Variants in ABLIM2 observed in about 807,000 individuals in gnomAD.
ABLIM2 encodes the protein actin binding LIM protein family member 2, also known as actin-binding LIM protein 2.
In ABLIM2, 53 loss-of-function variants were observed where a neutral mutation model predicts 97.7. The observed-to-expected ratio is 0.54, with a 90% confidence interval of 0.44 to 0.68. The LOEUF is 0.68. ABLIM2 is among the 30% of genes least tolerant of loss of function. The pLI is 0.00. For missense variants in ABLIM2, 835 were observed against 867.2 expected (o/e 0.96, Z 0.47); for synonymous variants, 361 against 345.8 (o/e 1.04, Z -0.49).
intron 9 of ABLIM2, among the ~76,000 whole-genome samples, chr4:8,041,123 G>C (rs1342132818): frequency 6.6e-6 from 1 of 152,254 alleles, no homozygotes; most frequent in Admixed American, 6.5e-5. Context: ...TCAAAGCTGA[G>C]ACACAGTGCA....
chr4:7,969,612 T>G (rs1048499938), intron 20 of ABLIM2, among the ~76,000 whole-genome samples: 1 of 152,146 alleles, frequency 6.6e-6, no homozygotes, highest in Admixed American at 6.6e-5. Flanking sequence ...TGGTATGCCC[T>G]GGATTTTGCA....
rs1349937290 is a variant in ABLIM2, at chr4:8,033,089, A to C, written c.1047+3060T>G. ...GAGAGAAAAGGTGCTCAGCAGAGACAGAGGGTGACCAGAAGCCTTTGGGTT... is the reference window on the plus strand; with the variant it reads ...GAGAGAAAAGGTGCTCAGCAGAGACCGAGGGTGACCAGAAGCCTTTGGGTT... On this transcript the variant is annotated intron_variant, in intron 10 of 20. Coordinates refer to ENST00000447017, the MANE Select transcript of ABLIM2 (RefSeq NM_001130083.2). This position sits in a 1 kb window ranked among gnomAD's most constrained non-coding sequence, Gnocchi z 4.5. 5.3e-5 allele frequency among the ~76,000 whole-genome samples: 8 copies of C among 152,228 alleles called. No homozygotes were observed. The highest frequency in any genetic ancestry group is 5.2e-4 in the Admixed American group (8 of 15,290).
intron 1 of ABLIM2, among the ~76,000 whole-genome samples, chr4:8,137,246 T>C (rs1850316995): frequency 6.6e-6 from 1 of 152,316 alleles, no homozygotes; most frequent in African/African-American, 2.4e-5. Context: ...CCCACTCTGC[T>C]TTAGGGGCTC....
intron 6 of ABLIM2, among the ~76,000 whole-genome samples, chr4:8,073,924 CA>C (rs1814090377): frequency 6.6e-6 from 1 of 150,672 alleles, no homozygotes; most frequent in South Asian, 2.1e-4. Flanking sequence ...CTATCTCTAC[CA>C]AAAATACAAA....
At chr4:8,081,627 ACTGT>A (rs1421772789) in intron 4 of ABLIM2, among the ~76,000 whole-genome samples, 19 of 149,124 alleles carry the variant, frequency 1.3e-4, no homozygotes, top group Admixed American at 8.7e-4. Context: ...ATAGGGTGTG[ACTGT>A]CTAAGTATGT....
intron 6 of ABLIM2, among the ~76,000 whole-genome samples, chr4:8,073,816 G>A (rs1295818261): frequency 3.9e-5 from 6 of 152,192 alleles, no homozygotes; most frequent in Non-Finnish European, 8.8e-5. Context: ...GGTTGGGCAT[G>A]GTGGCTCACG....
At position 8,125,241 on chromosome 4, in the gene ABLIM2, T is replaced by C. The variant is rs1042662431; in HGVS notation, c.11-18604A>G. ...ATGAAATCCAGTCGTCTATATCTTG[T>C]TATGACGGCTTGGGCTTTGGTGTCT... On this transcript the variant is annotated intron_variant, in intron 1 of 20. Transcript: ENST00000447017. The surrounding 1 kb of genome is among the most constrained non-coding windows in gnomAD (Gnocchi z 6.2). Among the ~76,000 whole-genome samples, 9 of 152,252 alleles carry C rather than the reference T, an allele frequency of 5.9e-5. No individual in the cohort carries two copies. The highest frequency in any genetic ancestry group is 1.3e-4 in the Non-Finnish European group (9 of 68,042).
rs10033351 is a variant in ABLIM2 at position 8,044,669 on chromosome 4, G to A, written c.900+495C>T. Among the ~76,000 whole-genome samples the A allele has an allele frequency of 1.4e-5, 1 of 72,808 alleles. No homozygotes were observed. Among genetic ancestry groups the A allele is most frequent in the Non-Finnish European group, 3.1e-5 (1 of 32,282 alleles). 47.8% of individuals were successfully genotyped at this position (72,808 alleles called of 152,430 possible). Reference sequence around the variant, plus strand: ...ACACACACACACACACACACACAGAGTCTCTCTCTCTCTCTCTCTCTCGAA... The same window carrying A: ...ACACACACACACACACACACACAGAATCTCTCTCTCTCTCTCTCTCTCGAA... On this transcript the variant is annotated intron_variant, in intron 9 of 20. Transcript: ENST00000447017. This position sits in a 1 kb window ranked among gnomAD's most constrained non-coding sequence, Gnocchi z 4.4.
At chr4:8,152,264 G>A (rs1181833184) in intron 1 of ABLIM2, among the ~76,000 whole-genome samples, 1 of 152,350 alleles carries the variant, frequency 6.6e-6, no homozygotes, top group South Asian at 2.1e-4. Flanking sequence ...GCCTAGCCAG[G>A]GATACGCGTG....
chr4:7,983,467 G>T (rs1217501148), intron 19 of ABLIM2, 80 bp downstream of exon 19: 2 of 1,596,502 alleles, frequency 1.3e-6, no homozygotes, highest in Non-Finnish European at 8.5e-7. Context: ...CATTTCATAG[G>T]TAAAGCACAA....
rs1305715157 is a variant in ABLIM2 at position 8,046,445 on chromosome 4, C to G, written c.823-1204G>C. On this transcript the variant is annotated intron_variant, in intron 8 of 20. Coordinates refer to ENST00000447017, the MANE Select transcript of ABLIM2 (RefSeq NM_001130083.2). This position sits in a 1 kb window ranked among gnomAD's most constrained non-coding sequence, Gnocchi z 4.4. ...CCTATTCACCCTGTCCAAAAGAAGC[C>G]CATATCCACAGAGGCCTCCCCAGCC... Among the ~76,000 whole-genome samples, 6 of 152,138 alleles carry G rather than the reference C, an allele frequency of 3.9e-5. No homozygotes were observed. The highest frequency in any genetic ancestry group is 8.8e-5 in the Non-Finnish European group (6 of 68,024).
rs190468503 is a variant in ABLIM2, at chr4:8,055,425, C to T, written c.764-1179G>A. Among the ~76,000 whole-genome samples, 667 of 147,720 alleles carry T rather than the reference C, an allele frequency of 4.5e-3. 4 individuals carry two copies. Among genetic ancestry groups the T allele is most frequent in the African/African-American group, 0.015 (595 of 39,878 alleles). On this transcript the variant is annotated intron_variant, in intron 7 of 20. Coordinates refer to ENST00000447017, the MANE Select transcript of ABLIM2 (RefSeq NM_001130083.2). ...ACCCAGCCTGACCCGCCACTCCCTGCGAGGGGCTGGCACTGCACTCACACA... is the reference window on the plus strand; with the variant it reads ...ACCCAGCCTGACCCGCCACTCCCTGTGAGGGGCTGGCACTGCACTCACACA...
Position 7,983,314 on chromosome 4 carries a change from T to C in ABLIM2, c.1774A>G (p.Asn592Asp), listed in dbSNP as rs1427020813. 2 of 1,612,444 alleles carry C rather than the reference T, an allele frequency of 1.2e-6. No individual in the cohort carries two copies. Among genetic ancestry groups the C allele is most frequent in the South Asian group, 2.2e-5 (2 of 90,414 alleles). The part of the protein sequence containing the change: ...IYPYDSLIVT[N>D]RIRVKLPKDV... ...TTGGGCAGTTTCACGCGAATTCGGTTTGTGACGATGAGGGAGTCATACGGA... is the reference window on the plus strand; with the variant it reads ...TTGGGCAGTTTCACGCGAATTCGGTCTGTGACGATGAGGGAGTCATACGGA... The change falls in exon 20 of 21, where the codon AAC (asparagine) becomes GAC (aspartate). Residue 592 changes from asparagine (N) to aspartate (D), a missense_variant. Coordinates refer to ENST00000447017, the MANE Select transcript of ABLIM2 (RefSeq NM_001130083.2).
Position 8,127,697 on chromosome 4 carries a change from C to T in ABLIM2, c.11-21060G>A, listed in dbSNP as rs1848624338. ...GAGCCTCTGTGGCCCACAGGGCTCC[C>T]ACAAGGTCACGTGGCAGCTGCCACC... On this transcript the variant is annotated intron_variant, in intron 1 of 20. Transcript: ENST00000447017. The surrounding 1 kb of genome is among the most constrained non-coding windows in gnomAD (Gnocchi z 7.3). The T allele has an allele frequency of 8.0e-6, 10 of 1,248,018 alleles. No homozygotes were observed. Among genetic ancestry groups the T allele is most frequent in the African/African-American group, 3.1e-5 (2 of 64,882 alleles). The allele number at this position is 1,248,018 out of a possible 1,614,324, so 77.3% of individuals were successfully genotyped here.
At position 8,102,885 on chromosome 4, in the gene ABLIM2, C is replaced by T. The variant is rs143455240; in HGVS notation, c.154+3609G>A. Among the ~76,000 whole-genome samples, 36 of 152,286 alleles carry T rather than the reference C, an allele frequency of 2.4e-4. No homozygotes were observed. The East Asian group carries it at 5.8e-3, about 24-fold the overall frequency. On this transcript the variant is annotated intron_variant, in intron 2 of 20. Transcript: ENST00000447017. ...TTGCCGGTGGGGGTGAACGTGTGAC[C>T]GAGTTCTGGCCAATGAGTCATATGG... is the stretch of plus-strand genomic sequence containing the variant.
In ABLIM2 at chr4:8,132,510, C is replaced by T. The variant is rs1384388535; in HGVS notation, c.11-25873G>A. ...CCCTGGCCTTTCCTGAGCACTGGGC[C>T]CCCAGCTCCCTCTGAGTGCTGGATG... On this transcript the variant is annotated intron_variant, in intron 1 of 20. Coordinates refer to ENST00000447017, the MANE Select transcript of ABLIM2 (RefSeq NM_001130083.2). This position sits in a 1 kb window ranked among gnomAD's most constrained non-coding sequence, Gnocchi z 8.0. Among the ~76,000 whole-genome samples the T allele has an allele frequency of 1.3e-5, 2 of 152,152 alleles. No homozygotes were observed. Among genetic ancestry groups the T allele is most frequent in the African/African-American group, 4.8e-5 (2 of 41,426 alleles).
intron 20 of ABLIM2, among the ~76,000 whole-genome samples, chr4:7,978,983 GCACTCACTGGATTCA>G (rs1484824039): frequency 6.6e-5 from 10 of 152,084 alleles, no homozygotes; most frequent in East Asian, 3.9e-4. Context: ...CCTCATCTGC[GCACTCACTGGATTCA>G]CAGCCTCACC....
chr4:8,017,879 G>C (rs1770605021), intron 14 of ABLIM2, among the ~76,000 whole-genome samples: 1 of 152,112 alleles, frequency 6.6e-6, no homozygotes, highest in African/African-American at 2.4e-5. Flanking sequence ...TGTAGTCCCA[G>C]GTACTTGGGA....
Position 8,054,080 on chromosome 4 carries a change from G to A in ABLIM2, c.822+108C>T. On this transcript the variant is annotated intron_variant, in intron 8 of 20. Coordinates refer to ENST00000447017, the MANE Select transcript of ABLIM2 (RefSeq NM_001130083.2). The surrounding 1 kb of genome is among the most constrained non-coding windows in gnomAD (Gnocchi z 4.9). ...TGGCTGCCCCCATCCTGCAGCCCGT[G>A]GGACTGGACAATGAGCCTGTAGAAT... The A allele has an allele frequency of 7.7e-7, 1 of 1,306,378 alleles. No individual in the cohort carries two copies. The highest frequency in any genetic ancestry group is 1.1e-6 in the Non-Finnish European group (1 of 908,072). The allele number at this position is 1,306,378 out of a possible 1,614,324, so 80.9% of individuals were successfully genotyped here.
Sources: allele counts gnomAD v4.1 joint callset (sites outside exome capture counted in the v4.1 genomes callset), GRCh38; gene constraint gnomAD v4.1.1; non-coding constraint Gnocchi (gnomAD v3.1); transcripts MANE v1.5; gene names NCBI Gene and HGNC (gene_info 2026-07-23, HGNC 2026-07-21).